ZBTB7C: variants seen among roughly 807,000 people sequenced by gnomAD.
The protein encoded by ZBTB7C is zinc finger and BTB domain-containing protein 7C.
ZBTB7C carries 8 observed loss-of-function variants against 25.7 expected under a neutral mutation model. That is an observed-to-expected ratio of 0.31 (90% CI 0.18 to 0.56). The LOEUF is 0.56. ZBTB7C is among the 20% of genes least tolerant of loss of function. ZBTB7C has a pLI of 0.91. For synonymous variants in ZBTB7C, 394 were observed against 369.0 expected (o/e 1.07, Z -0.78); for missense variants, 824 against 855.2 (o/e 0.96, Z 0.46).
chr18:48,221,131 C>T (rs1299482619), intron 2 of ZBTB7C, among the ~76,000 whole-genome samples: 2 of 150,916 alleles, frequency 1.3e-5, no homozygotes, highest in Non-Finnish European at 2.9e-5. Context: ...CTCCTCTATA[C>T]TGTCCTATTC....
At chr18:48,047,915 G>A (rs1274832141) in intron 3 of ZBTB7C, among the ~76,000 whole-genome samples, 1 of 152,230 alleles carries the variant, frequency 6.6e-6, no homozygotes, top group Non-Finnish European at 1.5e-5. Flanking sequence ...AGGGCAGGTA[G>A]CTTGCCCATT....
chr18:48,210,419 TG>T (rs1189701427), intron 2 of ZBTB7C, among the ~76,000 whole-genome samples: 1 of 152,178 alleles, frequency 6.6e-6, no homozygotes, highest in Non-Finnish European at 1.5e-5. Context: ...CATCAATTGA[TG>T]AATGAATGAA....
intron 2 of ZBTB7C, among the ~76,000 whole-genome samples, chr18:48,303,803 A>G (rs2045600457): frequency 6.6e-6 from 1 of 152,194 alleles, no homozygotes; most frequent in African/African-American, 2.4e-5. Flanking sequence ...CTGGGTCTCC[A>G]TATCCCTTTT....
rs560917178 is a variant in ZBTB7C, at chr18:48,331,535, A to G, written c.-79+6639T>C. ...CTATTTCCTTTGAAGCACATAACAA[A>G]TAATTTTGGGGCACACTGCATTACG... On this transcript the variant is annotated intron_variant, in intron 2 of 4. Coordinates refer to ENST00000590800, the MANE Select transcript of ZBTB7C (RefSeq NM_001318841.2). 2.6e-5 allele frequency among the ~76,000 whole-genome samples: 4 copies of G among 152,322 alleles called. No homozygotes were observed. In the South Asian group the frequency reaches 8.3e-4, roughly 32 times the overall value.
chr18:48,311,807 C>T (rs2045827520), intron 2 of ZBTB7C, among the ~76,000 whole-genome samples: 1 of 152,160 alleles, frequency 6.6e-6, no homozygotes, highest in South Asian at 2.1e-4. Context: ...TTGGATTTTT[C>T]TTCATCAATA....
At chr18:48,374,942 G>A (rs2047483652) in intron 1 of ZBTB7C, among the ~76,000 whole-genome samples, 1 of 150,666 alleles carries the variant, frequency 6.6e-6, no homozygotes. Context: ...AATATCCTGA[G>A]GGTGGGACCC....
intron 3 of ZBTB7C, among the ~76,000 whole-genome samples, chr18:48,132,216 T>C (rs1449428722): frequency 1.3e-5 from 2 of 152,186 alleles, no homozygotes; most frequent in African/African-American, 4.8e-5. Context: ...ATGGTGTATC[T>C]ATACAAGGAA....
rs544038150 is a variant in ZBTB7C at position 48,255,027 on chromosome 18, G to A, written c.-78-69032C>T. Among the ~76,000 whole-genome samples, 12 of 152,250 alleles carry A rather than the reference G, an allele frequency of 7.9e-5. No individual in the cohort carries two copies. In the East Asian group the frequency reaches 9.7e-4, roughly 12 times the overall value. ...GACTACACATTAATCTAGTCCCACCGAACAAATCTTATAAGCAAGGTCCAA... is the reference window on the plus strand; with the variant it reads ...GACTACACATTAATCTAGTCCCACCAAACAAATCTTATAAGCAAGGTCCAA... On this transcript the variant is annotated intron_variant, in intron 2 of 4. Transcript: ENST00000590800.
At chr18:48,251,712 G>A (rs1451250049) in intron 2 of ZBTB7C, among the ~76,000 whole-genome samples, 4 of 152,186 alleles carry the variant, frequency 2.6e-5, no homozygotes, top group African/African-American at 9.7e-5. Flanking sequence ...AGATCAGGGC[G>A]GGATGGCCAG....
At chr18:48,378,507 A>T (rs2047570578) in intron 1 of ZBTB7C, among the ~76,000 whole-genome samples, 1 of 152,164 alleles carries the variant, frequency 6.6e-6, no homozygotes, top group Non-Finnish European at 1.5e-5. Flanking sequence ...ATTCCACAAG[A>T]AAAAGGCCCA....
intron 1 of ZBTB7C, among the ~76,000 whole-genome samples, chr18:48,377,767 C>T (rs981109899): frequency 4.6e-5 from 7 of 152,304 alleles, no homozygotes; most frequent in East Asian, 1.9e-4. Flanking sequence ...AAGTCAGCAG[C>T]GGAAGAAGCT....
At chr18:48,173,404 G>C (rs2041559974) in intron 3 of ZBTB7C, among the ~76,000 whole-genome samples, 1 of 152,060 alleles carries the variant, frequency 6.6e-6, no homozygotes, top group South Asian at 2.1e-4. Context: ...GGACCTTCAG[G>C]ATAAAATCCA....
chr18:48,366,803 T>G (rs542057787), intron 1 of ZBTB7C, among the ~76,000 whole-genome samples: 1 of 152,264 alleles, frequency 6.6e-6, no homozygotes, highest in African/African-American at 2.4e-5. Flanking sequence ...AACCAGCGAG[T>G]GTATAACAAT....
chr18:48,331,268 G>A (rs1030797888), intron 2 of ZBTB7C, among the ~76,000 whole-genome samples: 14 of 152,014 alleles, frequency 9.2e-5, no homozygotes, highest in African/African-American at 3.4e-4. Flanking sequence ...CTCAGAAAAT[G>A]GTACCAAATA....
At chr18:48,074,370 T>A (rs936535157) in intron 3 of ZBTB7C, among the ~76,000 whole-genome samples, 8 of 152,204 alleles carry the variant, frequency 5.3e-5, no homozygotes, top group Non-Finnish European at 1.0e-4. Flanking sequence ...TCCTGAGATA[T>A]CGCTTTTTCC....
chr18:48,167,605 T>TGTGTGTGTGC (rs199586468), intron 3 of ZBTB7C, among the ~76,000 whole-genome samples: 4 of 149,632 alleles, frequency 2.7e-5, no homozygotes, highest in African/African-American at 9.9e-5. Context: ...TGTGCGCGCG[T>TGTGTGTGTGC]GCACACGCGC....
At chr18:48,355,831 G>C (rs1458511562) in intron 1 of ZBTB7C, among the ~76,000 whole-genome samples, 1 of 152,242 alleles carries the variant, frequency 6.6e-6, no homozygotes, top group Non-Finnish European at 1.5e-5. Flanking sequence ...ACATTCTCTT[G>C]ATCTGAGTGG....
chr18:48,185,260 C>A, intron 3 of ZBTB7C: 1 of 415,490 alleles, frequency 2.4e-6, no homozygotes. Context: ...GGAAGTCTTC[C>A]CTAACCATTT....
chr18:48,256,642 C>A, intron 2 of ZBTB7C, among the ~76,000 whole-genome samples: 1 of 151,152 alleles, frequency 6.6e-6, no homozygotes, highest in African/African-American at 2.4e-5. Flanking sequence ...GATAATTATA[C>A]AAAAATAATA....
Sources: allele counts gnomAD v4.1 joint callset (sites outside exome capture counted in the v4.1 genomes callset), GRCh38; gene constraint gnomAD v4.1.1; transcripts MANE v1.5; gene names NCBI Gene and HGNC (gene_info 2026-07-23, HGNC 2026-07-21).